The following EFHC2 variants were observed in gnomAD, a reference collection of about 807,000 sequenced individuals.
The protein encoded by EFHC2 is EF-hand domain-containing family member C2.
In EFHC2, 18 loss-of-function variants were observed where a neutral mutation model predicts 52.7. The observed-to-expected ratio is 0.34, with a 90% CI of 0.24 to 0.51. EFHC2 has a LOEUF of 0.51. EFHC2 is among the 20% of genes least tolerant of loss of function. EFHC2 has a pLI of 0.97. For missense variants in EFHC2, 513 were observed against 562.5 expected, an observed-to-expected ratio of 0.91 and a Z score of 0.89; for synonymous variants, 203 against 204.1, an observed-to-expected ratio of 0.99 and a Z score of 0.04.
chrX:44,272,033 C>G (rs988501795), intron 3 of EFHC2, among the ~76,000 whole-genome samples: 1 of 111,984 alleles, frequency 8.9e-6, no homozygotes, highest in Non-Finnish European at 1.9e-5. Flanking sequence ...AGAGAAGGAC[C>G]CACAGCACAA....
intron 11 of EFHC2, among the ~76,000 whole-genome samples, chrX:44,189,520 C>T (rs2036904061): frequency 3.6e-5 from 4 of 112,006 alleles, no homozygotes; most frequent in Non-Finnish European, 5.6e-5. Flanking sequence ...ATGTAGGATA[C>T]CCAGGTTTTC....
At chrX:44,215,535 G>C (rs1206572086) in intron 11 of EFHC2, among the ~76,000 whole-genome samples, 1 of 106,752 alleles carries the variant, frequency 9.4e-6, no homozygotes. Context: ...CCATTGGGGG[G>C]GGGTGGTGGG....
At position 44,250,417 on chromosome X, in the gene EFHC2, G is replaced by T; in HGVS notation, c.635C>A (p.Pro212His). The part of the protein sequence containing the change: ...EVVEHVEPLR[P>H]YESLDTLKQF... ...TTTCAGGGTGTCGAGGGATTCGTAGGGACGTAAGGGCTCTACGTGTTCTAC... is the reference window on the plus strand; with the variant it reads ...TTTCAGGGTGTCGAGGGATTCGTAGTGACGTAAGGGCTCTACGTGTTCTAC... The change falls in exon 5 of 15, where the codon CCC (proline) becomes CAC (histidine). Residue 212 changes from proline to histidine, a missense_variant. Transcript: ENST00000420999. 1.7e-6 allele frequency: 2 copies of T among 1,206,087 alleles called. No homozygotes were observed. The highest frequency in any genetic ancestry group is 5.9e-5 in the East Asian group (2 of 33,772).
At chrX:44,250,924 A>T (rs1292814839) in intron 4 of EFHC2, among the ~76,000 whole-genome samples, 2 of 110,089 alleles carry the variant, frequency 1.8e-5, no homozygotes, top group East Asian at 5.7e-4. Flanking sequence ...ATAGATACAT[A>T]CACATCTATA....
intron 13 of EFHC2, among the ~76,000 whole-genome samples, chrX:44,171,683 A>G (rs985654365): frequency 3.0e-4 from 34 of 111,935 alleles, no homozygotes; most frequent in African/African-American, 1.1e-3. Context: ...GGTGGGTCAC[A>G]GCTGCCAGGT....
At chrX:44,229,549 T>C in intron 11 of EFHC2, 100 bp downstream of exon 11, 2 of 1,073,397 alleles carry the variant, frequency 1.9e-6, no homozygotes, top group Admixed American at 2.6e-5. Context: ...TGCCAATTCC[T>C]AATAAAAAAT....
chrX:44,277,812 ACTC>A (rs1398133707), intron 2 of EFHC2, among the ~76,000 whole-genome samples: 1 of 110,703 alleles, frequency 9.0e-6, no homozygotes, highest in East Asian at 2.8e-4. Flanking sequence ...GAAAATTGTC[ACTC>A]CTCATAATTG....
intron 1 of EFHC2, among the ~76,000 whole-genome samples, chrX:44,343,011 C>A (rs980045662): frequency 4.5e-5 from 5 of 110,566 alleles, no homozygotes; most frequent in African/African-American, 1.3e-4. Flanking sequence ...GCCACCTACC[C>A]CTCTTGATAA....
rs188605697 is a variant in EFHC2, at chrX:44,159,275, G to A, written c.2148+4647C>T. Among the ~76,000 whole-genome samples, 1,049 of 111,752 alleles carry A rather than the reference G, an allele frequency of 9.4e-3. 12 individuals carry two copies. Among genetic ancestry groups the A allele is most frequent in the African/African-American group, 0.032 (987 of 30,764 alleles). ...GAGAACCCCACCTGTGACAAACTCT[G>A]ACCCAGCAGTGTTTCAGGGCATTAT... is the stretch of plus-strand genomic sequence containing the variant. On this transcript the variant is annotated intron_variant, in intron 14 of 14. Transcript: ENST00000420999.
chrX:44,314,624 A>G (rs2037972081), intron 1 of EFHC2, among the ~76,000 whole-genome samples: 1 of 111,322 alleles, frequency 9.0e-6, no homozygotes, highest in South Asian at 3.8e-4. Context: ...TCTCTCACAC[A>G]TACACACACA....
chrX:44,320,840 T>A lies in EFHC2; in HGVS notation c.43-8084A>T, dbSNP rs111383593. Among the ~76,000 whole-genome samples the A allele has an allele frequency of 6.1e-3, 676 of 110,404 alleles. 5 individuals are homozygous for A. The highest frequency in any genetic ancestry group is 0.028 in the Middle Eastern group (6 of 217). ...CTCTGGATTATCATACAACCTCCCCTGTTAGGCCTTACCTTGCAGGACACC... is the reference window on the plus strand; with the variant it reads ...CTCTGGATTATCATACAACCTCCCCAGTTAGGCCTTACCTTGCAGGACACC... On this transcript the variant is annotated intron_variant, in intron 1 of 14. Coordinates refer to ENST00000420999, the MANE Select transcript of EFHC2 (RefSeq NM_025184.4).
At chrX:44,227,179 T>TACACACACACACACAA (rs1279612131) in intron 11 of EFHC2, among the ~76,000 whole-genome samples, 2 of 110,153 alleles carry the variant, frequency 1.8e-5, no homozygotes, top group Admixed American at 9.7e-5. Flanking sequence ...AGAGTCAGAA[T>TACACACACACACACAA]ACACACACAC....
intron 11 of EFHC2, among the ~76,000 whole-genome samples, chrX:44,193,193 AT>A (rs1388202883): frequency 9.0e-6 from 1 of 110,532 alleles, no homozygotes; most frequent in Non-Finnish European, 1.9e-5. Flanking sequence ...CTTTCAACCC[AT>A]TGCTAATCAG....
At chrX:44,250,656 C>T (rs1252113052) in intron 4 of EFHC2, among the ~76,000 whole-genome samples, 28 of 103,480 alleles carry the variant, frequency 2.7e-4, no homozygotes, top group African/African-American at 9.6e-4. Flanking sequence ...AAAAACACAA[C>T]TCTTAAAAAA....
intron 2 of EFHC2, chrX:44,309,734 G>C: frequency 1.0e-6 from 1 of 978,238 alleles, no homozygotes; most frequent in Non-Finnish European, 1.5e-6. Context: ...ATCGGTCCTC[G>C]TTTCTTGAGC....
At chrX:44,271,179 C>T (rs1211285622) in intron 3 of EFHC2, among the ~76,000 whole-genome samples, 2 of 111,630 alleles carry the variant, frequency 1.8e-5, no homozygotes, top group Non-Finnish European at 3.8e-5. Flanking sequence ...TCAAAGGCCA[C>T]CACTGTATCC....
intron 1 of EFHC2, among the ~76,000 whole-genome samples, chrX:44,329,779 T>C (rs1569309982): frequency 1.8e-5 from 2 of 108,823 alleles, no homozygotes; most frequent in South Asian, 4.1e-4. Context: ...TTTTGTATTA[T>C]TATTTTTGTA....
chrX:44,246,991 C>T (rs1348433893), intron 7 of EFHC2, among the ~76,000 whole-genome samples: 1 of 112,003 alleles, frequency 8.9e-6, no homozygotes, highest in Non-Finnish European at 1.9e-5. Flanking sequence ...TCTTTTCCCA[C>T]AGTCTAGGGG....
intron 4 of EFHC2, among the ~76,000 whole-genome samples, chrX:44,254,956 G>C (rs891327628): frequency 3.3e-4 from 37 of 111,848 alleles, no homozygotes; most frequent in Non-Finnish European, 7.0e-4. Context: ...ACAAGAGAGT[G>C]GGGGCCAATA....
Sources: gnomAD v4.1 joint callset for allele counts (sites outside exome capture counted in the v4.1 genomes callset) on GRCh38, gnomAD v4.1.1 for gene constraint, MANE v1.5 for transcripts, NCBI Gene and HGNC (gene_info 2026-07-23, HGNC 2026-07-21) for gene names.